The following RAPGEF6 variants were observed in gnomAD, a reference collection of about 807,000 sequenced individuals.
The protein encoded by RAPGEF6 is PDZ domain containing guanine nucleotide exchange factor (GEF) 2.
RAPGEF6 carries 56 observed loss-of-function variants against 171.4 expected under a neutral mutation model. The observed-to-expected ratio is 0.33, with a 90% CI of 0.26 to 0.41. The LOEUF is 0.41. RAPGEF6 is among the 10% of genes least tolerant of loss of function. RAPGEF6 has a pLI of 1.00. For synonymous variants in RAPGEF6, 692 were observed against 650.1 expected, an observed-to-expected ratio of 1.06 and a Z score of -0.98; for missense variants, 1,674 against 1,921.4, an observed-to-expected ratio of 0.87 and a Z score of 2.41.
chr5:131,436,397 C>G, intron 24 of RAPGEF6: 1 of 1,528,418 alleles, frequency 6.5e-7, no homozygotes, highest in Non-Finnish European at 8.8e-7. Context: ...GGGAGAGATG[C>G]AAAAACCCTG....
intron 4 of RAPGEF6, among the ~76,000 whole-genome samples, chr5:131,586,951 C>A (rs919479011): frequency 2.2e-4 from 34 of 152,320 alleles, no homozygotes; most frequent in African/African-American, 8.2e-4. Context: ...GAGAAGCACA[C>A]ACAGGGGTGG....
intron 25 of RAPGEF6, 95 bp from the exon 26 acceptor site, chr5:131,431,444 A>G: frequency 7.4e-7 from 1 of 1,354,350 alleles, no homozygotes; most frequent in Non-Finnish European, 1.0e-6. Context: ...ACTACAGAGC[A>G]CGTACCACAA....
At chr5:131,524,345 T>C (rs1329592904) in intron 6 of RAPGEF6, among the ~76,000 whole-genome samples, 1 of 152,074 alleles carries the variant, frequency 6.6e-6, no homozygotes. Context: ...GCTATTAGAG[T>C]GCTCTCAGTT....
chr5:131,579,147 G>A (rs1229081677), intron 4 of RAPGEF6, among the ~76,000 whole-genome samples: 4 of 152,010 alleles, frequency 2.6e-5, no homozygotes, highest in East Asian at 1.9e-4. Flanking sequence ...CTCTTAAGGC[G>A]GCACCTCTGG....
intron 6 of RAPGEF6, among the ~76,000 whole-genome samples, chr5:131,542,545 G>A (rs1760221796): frequency 6.6e-6 from 1 of 152,140 alleles, no homozygotes; most frequent in African/African-American, 2.4e-5. Flanking sequence ...ACATTTTCTA[G>A]GAGCATCCAT....
At chr5:131,629,166 C>T (rs1766132498) in intron 1 of RAPGEF6, among the ~76,000 whole-genome samples, 1 of 152,144 alleles carries the variant, frequency 6.6e-6, no homozygotes, top group South Asian at 2.1e-4. Flanking sequence ...TGAAATGATT[C>T]ATCATTCCAG....
At chr5:131,559,295 C>T (rs1435757281) in intron 5 of RAPGEF6, among the ~76,000 whole-genome samples, 1 of 151,882 alleles carries the variant, frequency 6.6e-6, no homozygotes, top group Non-Finnish European at 1.5e-5. Flanking sequence ...TGCCACTGCA[C>T]CCCAGCCTAG....
chr5:131,539,694 G>C (rs1013022192), intron 6 of RAPGEF6, among the ~76,000 whole-genome samples: 4 of 152,222 alleles, frequency 2.6e-5, no homozygotes, highest in African/African-American at 9.6e-5. Context: ...AAGTTGGTAA[G>C]TGATGTGGTG....
rs2149824204 is a variant in RAPGEF6, at chr5:131,453,072, G to T, written c.3182C>A (p.Ala1061Asp). The T allele has an allele frequency of 6.2e-7, 1 of 1,613,838 alleles. No individual in the cohort carries two copies. The highest frequency in any genetic ancestry group is 1.1e-5 in the South Asian group (1 of 91,026). ...VRMTSANMDP[A>D]MMFRQRSLSQ... The stretch of plus-strand genomic sequence containing the variant: ...GTCCTACCTCTGTCGAAACATCATA[G>T]CTGGGTCCATGTTAGCAGAAGTCAT... The change falls in exon 21 of 28, where the codon GCT (alanine) becomes GAT (aspartate). Residue 1061 changes from alanine (A) to aspartate (D), a missense_variant. Transcript: ENST00000509018.
At chr5:131,601,636 G>A in intron 3 of RAPGEF6, among the ~76,000 whole-genome samples, 1 of 152,134 alleles carries the variant, frequency 6.6e-6, no homozygotes, top group Non-Finnish European at 1.5e-5. Context: ...CAGCAGCAGA[G>A]TAGCAAAAAT....
At chr5:131,544,840 G>A (rs1202431699) in intron 6 of RAPGEF6, among the ~76,000 whole-genome samples, 2 of 152,056 alleles carry the variant, frequency 1.3e-5, no homozygotes, top group East Asian at 1.9e-4. Context: ...GCGCCACCAT[G>A]TCTGGCTAAT....
intron 11 of RAPGEF6, among the ~76,000 whole-genome samples, chr5:131,501,834 T>C (rs1300526396): frequency 6.6e-6 from 1 of 152,148 alleles, no homozygotes; most frequent in African/African-American, 2.4e-5. Context: ...GTAGTGGAAT[T>C]GTAACTCATG....
At chr5:131,555,500 C>T (rs544283454) in intron 5 of RAPGEF6, among the ~76,000 whole-genome samples, 1 of 152,060 alleles carries the variant, frequency 6.6e-6, no homozygotes, top group East Asian at 1.9e-4. Flanking sequence ...TTACACAACT[C>T]TTATGCTAAA....
chr5:131,581,662 C>T (rs552246075), intron 4 of RAPGEF6, among the ~76,000 whole-genome samples: 1 of 152,258 alleles, frequency 6.6e-6, no homozygotes, highest in East Asian at 1.9e-4. Context: ...GTTTTCACTA[C>T]TCTTTTTCAT....
At chr5:131,436,787 C>A (rs1053381969) in intron 24 of RAPGEF6, among the ~76,000 whole-genome samples, 5 of 151,974 alleles carry the variant, frequency 3.3e-5, no homozygotes, top group African/African-American at 1.2e-4. Flanking sequence ...TAGTAAAAAC[C>A]AAATAAGACA....
intron 16 of RAPGEF6, among the ~76,000 whole-genome samples, chr5:131,474,675 G>C (rs965911672): frequency 2.0e-5 from 3 of 151,994 alleles, no homozygotes; most frequent in African/African-American, 7.3e-5. Context: ...CTTATAATTT[G>C]GTTTGTATTC....
intron 12 of RAPGEF6, among the ~76,000 whole-genome samples, chr5:131,497,924 CA>C (rs1392592235): frequency 2.0e-5 from 3 of 151,872 alleles, no homozygotes; most frequent in Admixed American, 6.6e-5. Flanking sequence ...ACATTTAATA[CA>C]AAAAAATACT....
intron 14 of RAPGEF6, among the ~76,000 whole-genome samples, chr5:131,489,902 A>C (rs2149871359): frequency 1.3e-5 from 2 of 152,288 alleles, no homozygotes; most frequent in South Asian, 4.1e-4. Context: ...ATACTGAGGA[A>C]ATTTAAAAAA....
chr5:131,433,093 T>C (rs1276995354), intron 25 of RAPGEF6, among the ~76,000 whole-genome samples: 1 of 152,158 alleles, frequency 6.6e-6, no homozygotes, highest in Non-Finnish European at 1.5e-5. Context: ...CGAGGCACTT[T>C]CCAAAACACA....
Sources: allele counts gnomAD v4.1 joint callset (sites outside exome capture counted in the v4.1 genomes callset), GRCh38; gene constraint gnomAD v4.1.1; transcripts MANE v1.5; gene names NCBI Gene and HGNC (gene_info 2026-07-23, HGNC 2026-07-21).